CCDC85A: variants seen among roughly 807,000 people sequenced by gnomAD.
The protein encoded by CCDC85A is coiled-coil domain containing 85A.
Under a neutral mutation model 50.2 loss-of-function variants are expected in CCDC85A, and 38 were observed. The ratio of observed to expected loss-of-function variants is 0.76; its 90% CI spans 0.58 to 0.99. The LOEUF is 0.99. Ranked by LOEUF, CCDC85A falls within the 50% of genes least tolerant of loss-of-function variation. The pLI, the probability that CCDC85A is intolerant of heterozygous loss-of-function variation, is 0.00. For synonymous variants in CCDC85A, 366 were observed against 301.4 expected, an observed-to-expected ratio of 1.21 and a Z score of -2.22; for missense variants, 820 against 742.0, an observed-to-expected ratio of 1.11 and a Z score of -1.22.
At chr2:56,272,306 A>G (rs1042025162) in intron 2 of CCDC85A, among the ~76,000 whole-genome samples, 1 of 152,174 alleles carries the variant, frequency 6.6e-6, no homozygotes, top group East Asian at 1.9e-4. Context: ...ATTACCTACC[A>G]TCCCACAGAG....
intron 2 of CCDC85A, among the ~76,000 whole-genome samples, chr2:56,264,573 C>T (rs143935229): frequency 2.6e-5 from 4 of 152,216 alleles, no homozygotes; most frequent in East Asian, 1.9e-4. Flanking sequence ...TTGTCTCCTG[C>T]ATTATTACAG....
intron 2 of CCDC85A, among the ~76,000 whole-genome samples, chr2:56,312,260 T>G (rs1672729914): frequency 6.6e-6 from 1 of 152,130 alleles, no homozygotes; most frequent in Non-Finnish European, 1.5e-5. Context: ...AGTGCCTGTT[T>G]GCACTCTAAA....
At chr2:56,344,911 G>C (rs989559950) in intron 3 of CCDC85A, among the ~76,000 whole-genome samples, 1 of 146,962 alleles carries the variant, frequency 6.8e-6, no homozygotes, top group African/African-American at 2.6e-5. Flanking sequence ...CAAACTAATA[G>C]CATGTATGCC....
chr2:56,362,366 A>T (rs1675571932), intron 3 of CCDC85A, among the ~76,000 whole-genome samples: 1 of 152,110 alleles, frequency 6.6e-6, no homozygotes, highest in South Asian at 2.1e-4. Flanking sequence ...TTGGATGTGT[A>T]CATGTCAAAC....
chr2:56,354,300 A>G (rs958022820), intron 3 of CCDC85A, among the ~76,000 whole-genome samples: 13 of 152,256 alleles, frequency 8.5e-5, no homozygotes, highest in African/African-American at 3.1e-4. Context: ...GTTATGACAA[A>G]GAGACGACAA....
chr2:56,335,924 C>T (rs1055916678), intron 2 of CCDC85A, among the ~76,000 whole-genome samples: 1 of 152,032 alleles, frequency 6.6e-6, no homozygotes, highest in Non-Finnish European at 1.5e-5. Context: ...TATAAGAGCA[C>T]CAATCCCACC....
At chr2:56,345,727 C>T (rs911498373) in intron 3 of CCDC85A, among the ~76,000 whole-genome samples, 2 of 152,188 alleles carry the variant, frequency 1.3e-5, no homozygotes, top group Admixed American at 1.3e-4. Flanking sequence ...CTGGATTACA[C>T]AAAGGCATTT....
At chr2:56,273,511 A>T (rs1026619445) in intron 2 of CCDC85A, among the ~76,000 whole-genome samples, 1 of 152,126 alleles carries the variant, frequency 6.6e-6, no homozygotes, top group East Asian at 1.9e-4. Flanking sequence ...AATTGCTTTC[A>T]ACTTAATATT....
intron 2 of CCDC85A, among the ~76,000 whole-genome samples, chr2:56,323,536 A>T (rs1673320242): frequency 6.6e-6 from 1 of 151,986 alleles, no homozygotes; most frequent in Non-Finnish European, 1.5e-5. Context: ...AAAGTTCCAA[A>T]TGCCCCCCTT....
intron 2 of CCDC85A, among the ~76,000 whole-genome samples, chr2:56,289,962 T>C (rs1321928490): frequency 6.6e-6 from 1 of 152,180 alleles, no homozygotes; most frequent in African/African-American, 2.4e-5. Context: ...TACTAGGCTA[T>C]GGGTCAAACC....
chr2:56,224,050 T>A (rs1308590895), intron 2 of CCDC85A, among the ~76,000 whole-genome samples: 6 of 152,188 alleles, frequency 3.9e-5, no homozygotes, highest in Non-Finnish European at 8.8e-5. Context: ...TCACCACAAG[T>A]GACTTTAGAA....
chr2:56,276,996 T>A (rs969573880), intron 2 of CCDC85A, among the ~76,000 whole-genome samples: 34 of 152,248 alleles, frequency 2.2e-4, no homozygotes, highest in African/African-American at 7.9e-4. Flanking sequence ...GAGAAGATAG[T>A]CTCCCAATCC....
chr2:56,210,863 A>G (rs1338890374), intron 2 of CCDC85A, among the ~76,000 whole-genome samples: 1 of 151,952 alleles, frequency 6.6e-6, no homozygotes, highest in Non-Finnish European at 1.5e-5. Context: ...CTTGTACTGT[A>G]TTGGTTGAAG....
At chr2:56,226,161 T>C (rs1218479331) in intron 2 of CCDC85A, among the ~76,000 whole-genome samples, 1 of 152,198 alleles carries the variant, frequency 6.6e-6, no homozygotes, top group Non-Finnish European at 1.5e-5. Context: ...TGTAGTCAAA[T>C]GGACTTGAGT....
chr2:56,289,226 T>A (rs960202742), intron 2 of CCDC85A, among the ~76,000 whole-genome samples: 4 of 152,212 alleles, frequency 2.6e-5, no homozygotes, highest in Non-Finnish European at 5.9e-5. Flanking sequence ...CATATGGATT[T>A]TTTTAATGTA....
chr2:56,296,304 C>T (rs1671945028), intron 2 of CCDC85A, among the ~76,000 whole-genome samples: 1 of 151,980 alleles, frequency 6.6e-6, no homozygotes, highest in Non-Finnish European at 1.5e-5. Context: ...TTCTTTTTGC[C>T]CTACTGTGCC....
intron 2 of CCDC85A, among the ~76,000 whole-genome samples, chr2:56,293,564 T>C (rs980443135): frequency 5.3e-5 from 8 of 152,084 alleles, no homozygotes; most frequent in African/African-American, 1.9e-4. Context: ...GGAGAAAACG[T>C]CTGACAAAGG....
intron 2 of CCDC85A, among the ~76,000 whole-genome samples, chr2:56,284,134 G>A (rs1026024116): frequency 6.6e-6 from 1 of 151,632 alleles, no homozygotes; most frequent in African/African-American, 2.4e-5. Flanking sequence ...ATTTACAAAT[G>A]TGTTGTTTAA....
intron 2 of CCDC85A, among the ~76,000 whole-genome samples, chr2:56,238,106 A>T (rs781460532): frequency 1.5e-4 from 23 of 152,134 alleles, no homozygotes; most frequent in Non-Finnish European, 2.2e-4. Context: ...TCCACTATGC[A>T]TACTGCCAGA....
Sources: allele counts gnomAD v4.1 joint callset (sites outside exome capture counted in the v4.1 genomes callset), GRCh38; gene constraint gnomAD v4.1.1; transcripts MANE v1.5; gene names NCBI Gene and HGNC (gene_info 2026-07-23, HGNC 2026-07-21).